PTPRZ1: variants seen among roughly 807,000 people sequenced by gnomAD.
PTPRZ1 encodes the protein receptor-type tyrosine-protein phosphatase zeta.
Under a neutral mutation model 214.1 loss-of-function variants are expected in PTPRZ1, and 82 were observed. The ratio of observed to expected loss-of-function variants is 0.38; its 90% CI spans 0.32 to 0.46. The LOEUF (loss-of-function observed/expected upper bound fraction) is 0.46. PTPRZ1 is among the 20% of genes least tolerant of loss of function. The pLI is 1.00. For missense variants in PTPRZ1, 2,603 were observed against 2,748.7 expected (o/e 0.95, Z 1.19); for synonymous variants, 945 against 987.9 (o/e 0.96, Z 0.81).
intron 13 of PTPRZ1, among the ~76,000 whole-genome samples, chr7:122,021,860 A>T (rs1430629780): frequency 6.6e-6 from 1 of 152,246 alleles, no homozygotes; most frequent in Non-Finnish European, 1.5e-5. Context: ...CTGACCTACT[A>T]ACATCTGTTT....
At chr7:122,056,942 A>G (rs542095468) in intron 27 of PTPRZ1, among the ~76,000 whole-genome samples, 3 of 151,954 alleles carry the variant, frequency 2.0e-5, no homozygotes, top group Non-Finnish European at 2.9e-5. Context: ...AGATTTATCT[A>G]TGTATTTGGG....
Position 122,011,018 on chromosome 7 carries a change from A to G in PTPRZ1, c.1972A>G (p.Thr658Ala). ...GGGAAATGTGTGGTTTCCTAGCTCT[A>G]CAGACATAACAGCACAGCCCGATGT... The part of the protein sequence containing the change: ...MEGNVWFPSS[T>A]DITAQPDVGS... Residue 658 changes from threonine to alanine, a missense_variant, in exon 12 of 30, where the codon ACA (threonine) becomes GCA (alanine). By Grantham distance (58) the Thr-to-Ala change is moderately conservative (BLOSUM62 0). Around this residue, in one of 6 missense-constraint regions of PTPRZ1, gnomAD observed 1,913 missense variants for 1,914.3 expected, o/e 1.00. Transcript: ENST00000393386. The G allele has an allele frequency of 1.2e-6, 2 of 1,614,132 alleles. No homozygotes were observed. Among genetic ancestry groups the G allele is most frequent in the South Asian group, 1.1e-5 (1 of 91,078 alleles).
intron 1 of PTPRZ1, among the ~76,000 whole-genome samples, chr7:121,927,229 A>G (rs13234003): frequency 0.063 from 9,617 of 152,316 alleles, 357 homozygotes; most frequent in Non-Finnish European, 0.09. Context: ...AGCTTTCTCT[A>G]CAGAAACAGT....
At chr7:121,995,384 C>A (rs904047790) in intron 8 of PTPRZ1, among the ~76,000 whole-genome samples, 14 of 152,176 alleles carry the variant, frequency 9.2e-5, no homozygotes, top group African/African-American at 1.9e-4. Flanking sequence ...TCTCCCTCTG[C>A]TTTGCAAATC....
chr7:121,894,279 A>G (rs1306205518), intron 1 of PTPRZ1, among the ~76,000 whole-genome samples: 4 of 152,160 alleles, frequency 2.6e-5, no homozygotes, highest in African/African-American at 9.7e-5. Context: ...ACTCTAATAC[A>G]CCACTAACTA....
In PTPRZ1 at chr7:122,012,441, C is replaced by G. The variant is rs1278013169; in HGVS notation, c.3395C>G (p.Ser1132Cys). The G allele has an allele frequency of 6.2e-7, 1 of 1,613,582 alleles. No homozygotes were observed. The highest frequency in any genetic ancestry group is 8.5e-7 in the Non-Finnish European group (1 of 1,179,684). The change falls in exon 12 of 30, where the codon TCT (serine) becomes TGT (cysteine). Residue 1132 changes from serine to cysteine, a missense_variant. Physicochemically the swap from Ser to Cys is moderately radical, Grantham distance 112 (BLOSUM62 -1). This residue lies in a region of PTPRZ1 where 1,913 missense variants were observed against 1,914.3 expected (regional missense o/e 1.00). Transcript: ENST00000393386. ...NFSVQPTHTV[S>C]QASGDTSLKP... Reference sequence around the variant, plus strand: ...TCAGTTCAACCTACACATACTGTCTCTCAAGCATCTGGTGACACTTCGCTT... The same window carrying G: ...TCAGTTCAACCTACACATACTGTCTGTCAAGCATCTGGTGACACTTCGCTT...
At position 122,012,475 on chromosome 7, in the gene PTPRZ1, G is replaced by A; in HGVS notation, c.3429G>A (p.Val1143=). Residue 1143 remains valine, a synonymous_variant, in exon 12 of 30, where the codon GTG becomes GTA. Coordinates refer to ENST00000393386, the MANE Select transcript of PTPRZ1 (RefSeq NM_002851.3). ...CTGGTGACACTTCGCTTAAACCTGT[G>A]CTTAGTGCAAACTCAGAGCCAGCAT... The part of the protein sequence containing the change: ...QASGDTSLKP[V]LSANSEPASS... The A allele has an allele frequency of 6.2e-7, 1 of 1,613,954 alleles. No individual in the cohort carries two copies. The highest frequency in any genetic ancestry group is 2.2e-5 in the East Asian group (1 of 44,874).
intron 2 of PTPRZ1, among the ~76,000 whole-genome samples, chr7:121,931,228 A>G (rs1206732284): frequency 6.6e-6 from 1 of 152,192 alleles, no homozygotes; most frequent in Non-Finnish European, 1.5e-5. Flanking sequence ...TTGCTCCATT[A>G]AGAGTAATAT....
At chr7:121,977,617 A>G (rs1264849392) in intron 6 of PTPRZ1, among the ~76,000 whole-genome samples, 1 of 152,068 alleles carries the variant, frequency 6.6e-6, no homozygotes, top group Non-Finnish European at 1.5e-5. Context: ...CTGGCCTAGG[A>G]TTGATTTATC....
In PTPRZ1 at chr7:122,034,316, C is replaced by T; in HGVS notation, c.5222C>T (p.Thr1741Ile). ...VQSCTVDLGI[T>I]ADSSNHPDNK... ...AGCTGTACTGTTGACTTAGGTATTA[C>T]AGCAGACAGCTCCAACCACCCAGAC... Residue 1741 changes from threonine (T) to isoleucine (I), a missense_variant, in exon 17 of 30, where the codon ACA (threonine) becomes ATA (isoleucine). Physicochemically the swap from Thr to Ile is moderately conservative, Grantham distance 89. Around this residue, in one of 6 missense-constraint regions of PTPRZ1, gnomAD observed 1,913 missense variants for 1,914.3 expected, o/e 1.00. Coordinates refer to ENST00000393386, the MANE Select transcript of PTPRZ1 (RefSeq NM_002851.3). The T allele has an allele frequency of 1.2e-6, 2 of 1,613,438 alleles. No homozygotes were observed. The highest frequency in any genetic ancestry group is 1.7e-6 in the Non-Finnish European group (2 of 1,179,648).
At chr7:122,040,029 C>T (rs1394558929) in intron 20 of PTPRZ1, among the ~76,000 whole-genome samples, 1 of 151,950 alleles carries the variant, frequency 6.6e-6, no homozygotes, top group Non-Finnish European at 1.5e-5. Context: ...CAGCTGCCGT[C>T]AGTCCTAAAG....
chr7:122,036,457 TG>T (rs1799538069), intron 17 of PTPRZ1, 142 bp from the exon 18 acceptor site: 1 of 618,192 alleles, frequency 1.6e-6, no homozygotes, highest in African/African-American at 1.9e-5. Context: ...TTGCTGTCTC[TG>T]TATCCCCAAA....
intron 2 of PTPRZ1, among the ~76,000 whole-genome samples, chr7:121,953,175 T>G (rs374639918): frequency 6.6e-6 from 1 of 152,226 alleles, no homozygotes; most frequent in East Asian, 1.9e-4. Context: ...CTTTTTTACT[T>G]TCTCATTTTA....
chr7:121,886,765 A>G (rs1043521946), intron 1 of PTPRZ1, among the ~76,000 whole-genome samples: 2 of 152,136 alleles, frequency 1.3e-5, no homozygotes, highest in African/African-American at 4.8e-5. Context: ...GACTTTAATA[A>G]CAAAACACAA....
At chr7:121,931,166 A>T (rs1386059106) in intron 2 of PTPRZ1, among the ~76,000 whole-genome samples, 1 of 152,224 alleles carries the variant, frequency 6.6e-6, no homozygotes, top group Non-Finnish European at 1.5e-5. Flanking sequence ...TCCTAAGAAT[A>T]TCACAAGCCA....
intron 27 of PTPRZ1, among the ~76,000 whole-genome samples, chr7:122,058,313 A>G (rs374322702): frequency 4.7e-4 from 71 of 152,036 alleles, no homozygotes; most frequent in African/African-American, 1.6e-3. Flanking sequence ...TTAAGTAAGA[A>G]TCAGAATTGG....
chr7:122,000,639 T>C (rs2116624058), intron 10 of PTPRZ1, among the ~76,000 whole-genome samples: 1 of 121,674 alleles, frequency 8.2e-6, no homozygotes, highest in Non-Finnish European at 1.7e-5. Context: ...CATTCTTTGA[T>C]AGATTTCATA....
chr7:121,994,355 C>T lies in PTPRZ1; in HGVS notation c.929-2027C>T, dbSNP rs949043925. Among the ~76,000 whole-genome samples the T allele has an allele frequency of 1.2e-4, 14 of 115,896 alleles. 1 individual carries two copies. The Admixed American group carries it at 1.3e-3, about 11-fold the overall frequency. 76.0% of individuals were successfully genotyped at this position (115,896 alleles called of 152,430 possible). A position where few individuals can be genotyped will look rare whatever the true frequency, so the allele number is the denominator to read the frequency against. ...TGTTGCCCCGGCTGGAGTGCAGTGG[C>T]GCAATCTGGGCTCACTGCAAGCTCC... On this transcript the variant is annotated intron_variant, in intron 8 of 29. Coordinates refer to ENST00000393386, the MANE Select transcript of PTPRZ1 (RefSeq NM_002851.3).
Position 121,873,388 on chromosome 7 carries a change from A to G in PTPRZ1, c.-112A>G. Reference sequence around the variant, plus strand: ...CACGCACGATCTCACTTCGATCTATACACTGGAGGATTAAAACAAACAAAC... The same window carrying G: ...CACGCACGATCTCACTTCGATCTATGCACTGGAGGATTAAAACAAACAAAC... On this transcript the variant is annotated 5_prime_UTR_variant, in exon 1 of 30. The change creates a new upstream start codon in the 5' untranslated region. Coordinates refer to ENST00000393386, the MANE Select transcript of PTPRZ1 (RefSeq NM_002851.3). 4 of 1,010,168 alleles carry G rather than the reference A, an allele frequency of 4.0e-6. No individual in the cohort carries two copies. In the South Asian group the frequency reaches 5.9e-5, roughly 15 times the overall value. 62.6% of individuals were successfully genotyped at this position (1,010,168 alleles called of 1,614,324 possible). A position where few individuals can be genotyped will look rare whatever the true frequency, so the allele number is the denominator to read the frequency against.
Sources: allele counts gnomAD v4.1 joint callset (sites outside exome capture counted in the v4.1 genomes callset), GRCh38; gene constraint gnomAD v4.1.1; regional missense constraint gnomAD v4.1.1; transcripts MANE v1.5; gene names NCBI Gene and HGNC (gene_info 2026-07-23, HGNC 2026-07-21).